TENM2: variants seen among roughly 807,000 people sequenced by gnomAD.
TENM2 encodes teneurin transmembrane protein 2, also known as teneurin-2.
In TENM2, 52 loss-of-function variants were observed where a neutral mutation model predicts 245.2. The observed-to-expected ratio is 0.21, with a 90% confidence interval of 0.17 to 0.27. The LOEUF is 0.27. Ranked by LOEUF, TENM2 falls within the 10% of genes least tolerant of loss-of-function variation. The pLI is 1.00. For missense variants in TENM2, 3,046 were observed against 3,666.8 expected, an observed-to-expected ratio of 0.83 and a Z score of 4.37; for synonymous variants, 1,363 against 1,438.9, an observed-to-expected ratio of 0.95 and a Z score of 1.19.
chr5:167,819,695 CCA>C (rs1767348943), intron 2 of TENM2, among the ~76,000 whole-genome samples: 2 of 152,170 alleles, frequency 1.3e-5, no homozygotes, highest in Non-Finnish European at 2.9e-5. Flanking sequence ...GCTAACATGC[CCA>C]GCTCATAATG....
Position 167,298,464 on chromosome 5 carries a change from G to T in TENM2, c.226+13401G>T. Among the ~76,000 whole-genome samples the T allele has an allele frequency of 1.3e-5, 2 of 152,168 alleles. 1 individual carries two copies. Among genetic ancestry groups the T allele is most frequent in the Non-Finnish European group, 2.9e-5 (2 of 68,030 alleles). On this transcript the variant is annotated intron_variant, in intron 1 of 28. Transcript: ENST00000518659. ...TAAAAATACAAAAAATTAGCCGGGCGAGGTGGCGGGCGCCTGAAGTCCCAG... is the reference window on the plus strand; with the variant it reads ...TAAAAATACAAAAAATTAGCCGGGCTAGGTGGCGGGCGCCTGAAGTCCCAG...
At chr5:167,597,165 C>CTTTTTT (rs34227363) in intron 2 of TENM2, among the ~76,000 whole-genome samples, 1 of 53,760 alleles carries the variant, frequency 1.9e-5, no homozygotes, top group African/African-American at 3.4e-5. Context: ...CTTTTCTTTT[C>CTTTTTT]TTTTTTTTTT....
At position 167,436,838 on chromosome 5, in the gene TENM2, T is replaced by C. The variant is rs1764585002; in HGVS notation, c.502+61365T>C. Among the ~76,000 whole-genome samples, 4 of 152,240 alleles carry C rather than the reference T, an allele frequency of 2.6e-5. No individual in the cohort carries two copies. In the South Asian group the frequency reaches 8.3e-4, roughly 32 times the overall value. On this transcript the variant is annotated intron_variant, in intron 2 of 28. Coordinates refer to ENST00000518659, the Ensembl canonical transcript of TENM2. ...AAGCCTTGGCATCTTCCACGTGGTGTTGAGCCTGCAGGTGCACAGAAGTCA... is the reference window on the plus strand; with the variant it reads ...AAGCCTTGGCATCTTCCACGTGGTGCTGAGCCTGCAGGTGCACAGAAGTCA...
intron 3 of TENM2, among the ~76,000 whole-genome samples, chr5:167,883,852 G>A (rs1467251496): frequency 6.6e-6 from 1 of 152,192 alleles, no homozygotes; most frequent in Non-Finnish European, 1.5e-5. Flanking sequence ...TCCCTTGTTA[G>A]GGATGTCTCA....
rs1289919127 is a variant in TENM2, at chr5:167,720,123, A to C, written c.503-155863A>C. On this transcript the variant is annotated intron_variant, in intron 2 of 28. Coordinates refer to ENST00000518659, the Ensembl canonical transcript of TENM2. ...AAAACAAAAAGCATTTCCAAAAACA[A>C]TTTTCTAAGAAATAACTTTGAAGTT... 2.6e-5 allele frequency among the ~76,000 whole-genome samples: 4 copies of C among 152,228 alleles called. No homozygotes were observed. The East Asian group carries it at 7.7e-4, about 29-fold the overall frequency.
intron 2 of TENM2, among the ~76,000 whole-genome samples, chr5:167,433,415 G>A (rs2127446876): frequency 6.6e-6 from 1 of 152,232 alleles, no homozygotes; most frequent in South Asian, 2.1e-4. Flanking sequence ...AAGGGTAACA[G>A]TATCAGGTGG....
chr5:167,329,125 A>G (rs1445801987), intron 1 of TENM2, among the ~76,000 whole-genome samples: 1 of 152,190 alleles, frequency 6.6e-6, no homozygotes. Context: ...TCATGCAACA[A>G]CAACCCCTGT....
the TENM2 span, among the ~76,000 whole-genome samples, chr5:167,031,765 A>G: frequency 0.34 from 51,857 of 152,028 alleles, 9,901 homozygotes; most frequent in Non-Finnish European, 0.45. Flanking sequence ...GGGTTTCTCC[A>G]TATCAGTCGG....
chr5:167,339,554 G>C (rs1263607763), intron 1 of TENM2, among the ~76,000 whole-genome samples: 1 of 151,098 alleles, frequency 6.6e-6, no homozygotes, highest in Non-Finnish European at 1.5e-5. Flanking sequence ...GGATTTTCCA[G>C]ATCTTCAAAT....
intron 1 of TENM2, among the ~76,000 whole-genome samples, chr5:167,345,892 C>CAAAAAAAAAAA (rs57279945): frequency 1.5e-5 from 1 of 67,962 alleles, no homozygotes. Flanking sequence ...AACATACAGC[C>CAAAAAAAAAAA]AAAAAAAAAA....
At chr5:167,623,271 C>T (rs2336897) in intron 2 of TENM2, among the ~76,000 whole-genome samples, 96,090 of 151,956 alleles carry the variant, frequency 0.63, 30,820 homozygotes, top group Middle Eastern at 0.7. Flanking sequence ...TTATTATTTC[C>T]GTTGTCCTGT....
chr5:167,210,194 T>C, the TENM2 span, among the ~76,000 whole-genome samples: 1 of 152,210 alleles, frequency 6.6e-6, no homozygotes, highest in Non-Finnish European at 1.5e-5. Flanking sequence ...AGGTAACTTA[T>C]CTAAGACCAC....
chr5:167,751,730 T>G (rs952545996), intron 2 of TENM2, among the ~76,000 whole-genome samples: 5 of 151,692 alleles, frequency 3.3e-5, no homozygotes, highest in Middle Eastern at 3.4e-3. Flanking sequence ...ACTGTTTTGG[T>G]TTTTTTTAAG....
chr5:167,013,915 G>A, the TENM2 span, among the ~76,000 whole-genome samples: 5 of 152,138 alleles, frequency 3.3e-5, no homozygotes, highest in East Asian at 3.9e-4. Flanking sequence ...AGGGAATGTC[G>A]AGGAGCTTCT....
chr5:167,132,117 G>T, the TENM2 span, among the ~76,000 whole-genome samples: 2 of 152,108 alleles, frequency 1.3e-5, no homozygotes, highest in African/African-American at 4.8e-5. Flanking sequence ...CACCATGCCT[G>T]GCCCTCTTTG....
chr5:167,356,785 G>A (rs1190289095), intron 1 of TENM2, among the ~76,000 whole-genome samples: 2 of 152,190 alleles, frequency 1.3e-5, no homozygotes, highest in Non-Finnish European at 2.9e-5. Context: ...AAGCATGGCT[G>A]CATTATACCT....
intron 2 of TENM2, among the ~76,000 whole-genome samples, chr5:167,860,186 G>A: frequency 7.7e-6 from 1 of 129,968 alleles, no homozygotes; most frequent in Non-Finnish European, 1.7e-5. Context: ...CGGGAGGGAG[G>A]TGGGGGGGTC....
chr5:167,539,130 T>A (rs1453233775), intron 2 of TENM2, among the ~76,000 whole-genome samples: 1 of 151,342 alleles, frequency 6.6e-6, no homozygotes, highest in African/African-American at 2.4e-5. Context: ...GTGAGTAGTT[T>A]AAAAAAAAAG....
chr5:167,831,996 A>T (rs1053334624), intron 2 of TENM2, among the ~76,000 whole-genome samples: 79 of 152,062 alleles, frequency 5.2e-4, no homozygotes, highest in African/African-American at 1.9e-3. Flanking sequence ...AAAAAAAAAA[A>T]ATATTTAGCA....
Sources: gnomAD v4.1 joint callset for allele counts (sites outside exome capture counted in the v4.1 genomes callset) on GRCh38, gnomAD v4.1.1 for gene constraint, MANE v1.5 for transcripts, NCBI Gene and HGNC (gene_info 2026-07-23, HGNC 2026-07-21) for gene names.